Variants in PMFBP1 observed in about 807,000 individuals in gnomAD.
PMFBP1 encodes the protein polyamine modulated factor 1 binding protein 1.
A neutral mutation model predicts 137.8 loss-of-function variants in PMFBP1; 131 were observed. That is an observed-to-expected ratio of 0.95 (90% CI 0.82 to 1.10). The LOEUF (loss-of-function observed/expected upper bound fraction) is 1.10, where lower values mean the gene tolerates loss of function less well. PMFBP1 is among the 50% of genes least tolerant of loss of function. The pLI is 0.00. For synonymous variants in PMFBP1, 490 were observed against 450.4 expected, an observed-to-expected ratio of 1.09 and a Z score of -1.11; for missense variants, 1,199 against 1,175.4, an observed-to-expected ratio of 1.02 and a Z score of -0.29.
At chr16:72,225,669 T>C in the PMFBP1 span, among the ~76,000 whole-genome samples, 1 of 150,544 alleles carries the variant, frequency 6.6e-6, no homozygotes, top group African/African-American at 2.4e-5. Flanking sequence ...GCTATGATCA[T>C]GCCCCTCCAC....
chr16:72,178,466 A>G (rs2144545372), upstream of PMFBP1, among the ~76,000 whole-genome samples: 1 of 152,314 alleles, frequency 6.6e-6, no homozygotes, highest in South Asian at 2.1e-4. Context: ...TTGTTACAGT[A>G]GTATTCTAAT....
chr16:72,119,621 A>G (rs2042346206), intron 20 of PMFBP1: 1 of 1,442,520 alleles, frequency 6.9e-7, no homozygotes, highest in Non-Finnish European at 9.0e-7. Flanking sequence ...GGGAGGGGGC[A>G]GGTCTGAGAT....
chr16:72,117,399 T>A (rs190418945), downstream of PMFBP1, among the ~76,000 whole-genome samples: 20 of 152,296 alleles, frequency 1.3e-4, no homozygotes, highest in Non-Finnish European at 2.9e-4. Flanking sequence ...TACCAGGCTC[T>A]TTTTTGGGGT....
intron 9 of PMFBP1, among the ~76,000 whole-genome samples, 189 bp downstream of exon 9, chr16:72,136,259 T>C (rs1261437163): frequency 6.6e-6 from 1 of 152,148 alleles, no homozygotes; most frequent in Non-Finnish European, 1.5e-5. Flanking sequence ...CAGATTCATT[T>C]ATTATGTATG....
chr16:72,204,451 C>T, the PMFBP1 span, among the ~76,000 whole-genome samples: 6 of 152,166 alleles, frequency 3.9e-5, no homozygotes, highest in African/African-American at 1.2e-4. Flanking sequence ...AATCTGCCTG[C>T]GTTGGCCTCC....
chr16:72,145,981 A>ACTATT (rs1160542786), intron 5 of PMFBP1, among the ~76,000 whole-genome samples: 1 of 152,220 alleles, frequency 6.6e-6, no homozygotes, highest in African/African-American at 2.4e-5. Flanking sequence ...TCCTTCTGAA[A>ACTATT]CTATTCCAAT....
intron 4 of PMFBP1, among the ~76,000 whole-genome samples, chr16:72,152,531 C>T (rs1364152695): frequency 6.6e-6 from 1 of 151,960 alleles, no homozygotes; most frequent in African/African-American, 2.4e-5. Context: ...GGTCCTCTGC[C>T]CTTTTATCTG....
intron 19 of PMFBP1, among the ~76,000 whole-genome samples, chr16:72,121,316 G>T (rs2042374080): frequency 6.6e-6 from 1 of 152,164 alleles, no homozygotes; most frequent in African/African-American, 2.4e-5. Context: ...TCTGGAGAGG[G>T]GGTCTCAGCA....
chr16:72,133,684 G>A (rs560476505), intron 9 of PMFBP1, among the ~76,000 whole-genome samples: 2 of 152,276 alleles, frequency 1.3e-5, no homozygotes, highest in African/African-American at 2.4e-5. Context: ...CACCAGGGTT[G>A]TCGGGCGACC....
At position 72,124,942 on chromosome 16, in the gene PMFBP1, G is replaced by C; in HGVS notation, c.2422-8C>G. The C allele has an allele frequency of 6.2e-7, 1 of 1,612,326 alleles. No homozygotes were observed. The highest frequency in any genetic ancestry group is 8.5e-7 in the Non-Finnish European group (1 of 1,178,824). ...CTTGTCAAAGGCGTGCACCTACTCA[G>C]GAGAGCAAAGTGAGGAGGGGGACTC... On this transcript the variant is annotated splice_polypyrimidine_tract_variant and splice_region_variant and intron_variant, in intron 16 of 20. Transcript: ENST00000237353.
the PMFBP1 span, among the ~76,000 whole-genome samples, chr16:72,228,215 C>A: frequency 6.6e-6 from 1 of 152,126 alleles, no homozygotes; most frequent in Non-Finnish European, 1.5e-5. Context: ...GCCCCTAAAG[C>A]ATTTCTGAGG....
chr16:72,203,033 T>A, the PMFBP1 span, among the ~76,000 whole-genome samples: 13 of 152,312 alleles, frequency 8.5e-5, no homozygotes, highest in African/African-American at 2.6e-4. Context: ...CCTCCCTCAG[T>A]CCTACAGTGT....
At chr16:72,139,158 C>G (rs1597470573) in intron 7 of PMFBP1, 131 bp downstream of exon 7, 45 of 687,580 alleles carry the variant, frequency 6.5e-5, no homozygotes. Flanking sequence ...TGTGGCAGGG[C>G]CAACCAAGCT....
chr16:72,247,869 A>T, the PMFBP1 span, among the ~76,000 whole-genome samples: 1 of 152,186 alleles, frequency 6.6e-6, no homozygotes, highest in Non-Finnish European at 1.5e-5. Context: ...TGTTTGGGGA[A>T]CACACAAGGA....
chr16:72,123,184 A>G (rs369479339), intron 18 of PMFBP1, among the ~76,000 whole-genome samples, 196 bp from the exon 19 acceptor site: 6 of 152,064 alleles, frequency 3.9e-5, no homozygotes, highest in East Asian at 3.9e-4. Flanking sequence ...CTCAACTCCT[A>G]TGCAAAATCC....
Position 72,125,276 on chromosome 16 carries a change from T to C in PMFBP1, c.2383A>G (p.Arg795Gly). 1.2e-6 allele frequency: 2 copies of C among 1,614,112 alleles called. No homozygotes were observed. The highest frequency in any genetic ancestry group is 1.7e-6 in the Non-Finnish European group (2 of 1,180,008). ...ERMKKLNTEL[R>G]KLRGFHQESE... ...TCCTGGTGGAAGCCCCGCAGTTTTC[T>C]TAATTCCGTATTGAGCTTTTTCATC... Residue 795 changes from arginine to glycine, a missense_variant, in exon 16 of 21, where the codon AGA (arginine) becomes GGA (glycine). Physicochemically the swap from Arg to Gly is moderately radical, Grantham distance 125. Coordinates refer to ENST00000237353, the MANE Select transcript of PMFBP1 (RefSeq NM_031293.3).
At chr16:72,118,779 G>A (rs576869327), downstream of PMFBP1, among the ~76,000 whole-genome samples, 7 of 152,190 alleles carry the variant, frequency 4.6e-5, no homozygotes, top group East Asian at 1.9e-4. Context: ...GGCAGGTGGC[G>A]TGCTCTTGCT....
intron 9 of PMFBP1, among the ~76,000 whole-genome samples, chr16:72,133,671 A>G (rs1472818317): frequency 6.6e-6 from 1 of 152,152 alleles, no homozygotes; most frequent in Non-Finnish European, 1.5e-5. Flanking sequence ...CCCCTGCCAC[A>G]TACACCAGGG....
chr16:72,154,274 G>C lies in PMFBP1; in HGVS notation c.351C>G (p.Ile117Met), dbSNP rs769148574. ...CCAGGTCGGAAGTCTGCTTCTCTAG[G>C]ATGGACTGATACTGGCGGAGAGAAT... ...SYYSLRQYQS[I>M]LEKQTSDLVL... The change falls in exon 4 of 21, where the codon ATC (isoleucine) becomes ATG (methionine). Residue 117 changes from isoleucine (I) to methionine (M), a missense_variant. Physicochemically the swap from Ile to Met is conservative, Grantham distance 10. Transcript: ENST00000237353. 6.2e-6 allele frequency: 10 copies of C among 1,614,008 alleles called. No homozygotes were observed. In the Admixed American group the frequency reaches 1.3e-4, roughly 22 times the overall value.
Sources: allele counts gnomAD v4.1 joint callset (sites outside exome capture counted in the v4.1 genomes callset), GRCh38; gene constraint gnomAD v4.1.1; transcripts MANE v1.5; gene names NCBI Gene and HGNC (gene_info 2026-07-23, HGNC 2026-07-21).